CEPT1: variants seen among roughly 807,000 people sequenced by gnomAD.
CEPT1 encodes the protein choline/ethanolaminephosphotransferase 1.
CEPT1 carries 7 observed loss-of-function variants against 42.6 expected under a neutral mutation model. That is an observed-to-expected ratio of 0.16 (90% confidence interval 0.09 to 0.31). The LOEUF (loss-of-function observed/expected upper bound fraction) is 0.31. Ranked by LOEUF, CEPT1 falls within the 10% of genes least tolerant of loss-of-function variation. CEPT1 has a pLI of 1.00. For synonymous variants in CEPT1, 171 were observed against 171.9 expected, an observed-to-expected ratio of 0.99 and a Z score of 0.04; for missense variants, 306 against 502.1, an observed-to-expected ratio of 0.61 and a Z score of 3.73.
intron 2 of CEPT1, among the ~76,000 whole-genome samples, chr1:111,153,248 A>G (rs186684448): frequency 1.3e-5 from 2 of 151,726 alleles, no homozygotes. Context: ...TGCTTGATTT[A>G]TTTCACTTAA....
intron 6 of CEPT1, 112 bp from the exon 7 acceptor site, chr1:111,182,687 G>A (rs1657049180): frequency 1.1e-6 from 1 of 936,770 alleles, no homozygotes; most frequent in South Asian, 1.9e-5. Context: ...TGCCTATCAG[G>A]CACCATGAGG....
At chr1:111,144,033 G>T (rs192053437) in intron 1 of CEPT1, among the ~76,000 whole-genome samples, 1 of 152,274 alleles carries the variant, frequency 6.6e-6, no homozygotes, top group African/African-American at 2.4e-5. Flanking sequence ...TCCCAACATA[G>T]AATAATTTTT....
At chr1:111,169,701 T>A (rs1261038134) in intron 4 of CEPT1, among the ~76,000 whole-genome samples, 2 of 152,198 alleles carry the variant, frequency 1.3e-5, no homozygotes, top group African/African-American at 2.4e-5. Flanking sequence ...ATACTTTTTT[T>A]ATGAAGTTTC....
intron 4 of CEPT1, among the ~76,000 whole-genome samples, chr1:111,168,787 T>C (rs1469945473): frequency 6.6e-6 from 1 of 152,242 alleles, no homozygotes; most frequent in East Asian, 1.9e-4. Context: ...AATCCAGTTA[T>C]TCAGTGGCAG....
chr1:111,174,996 T>C, intron 5 of CEPT1, 33 bp downstream of exon 5: 1 of 1,257,392 alleles, frequency 8.0e-7, no homozygotes, highest in South Asian at 1.2e-5. Context: ...TCCCATGTAA[T>C]GCATGTTGTC....
At chr1:111,154,649 A>G (rs1655463487) in intron 2 of CEPT1, among the ~76,000 whole-genome samples, 1 of 152,070 alleles carries the variant, frequency 6.6e-6, no homozygotes, top group Admixed American at 6.6e-5. Flanking sequence ...TGTTGTGTTG[A>G]GGTATGTTTC....
chr1:111,183,674 C>T (rs751579855), intron 8 of CEPT1, 87 bp downstream of exon 8: 35 of 1,282,142 alleles, frequency 2.7e-5, no homozygotes, highest in Admixed American at 3.8e-5. Context: ...CATGAAAGAT[C>T]GTTCATATAA....
chr1:111,148,301 C>T (rs1655083642), intron 2 of CEPT1, among the ~76,000 whole-genome samples: 1 of 147,434 alleles, frequency 6.8e-6, no homozygotes, highest in Non-Finnish European at 1.5e-5. Context: ...TAAAATGTTC[C>T]TTTTAAAGTC....
At chr1:111,178,922 T>A (rs1301673297) in intron 5 of CEPT1, 4 of 152,220 alleles carry the variant, frequency 2.6e-5, no homozygotes, top group Admixed American at 2.6e-4. Context: ...ATAGGGTGAT[T>A]TTCCTTTGTA....
chr1:111,147,580 A>G, intron 1 of CEPT1, 62 bp from the exon 2 acceptor site: 1 of 572,506 alleles, frequency 1.7e-6, no homozygotes, highest in Non-Finnish European at 2.9e-6. Context: ...TAATATTGGC[A>G]TAAGATGTAA....
chr1:111,180,092 A>G (rs998889579), intron 5 of CEPT1: 1 of 152,140 alleles, frequency 6.6e-6, no homozygotes, highest in African/African-American at 2.4e-5. Context: ...AAGCAATTTC[A>G]CCAAATTTTA....
chr1:111,165,032 T>A (rs1393089695), intron 4 of CEPT1, among the ~76,000 whole-genome samples: 1 of 145,878 alleles, frequency 6.9e-6, no homozygotes, highest in African/African-American at 2.5e-5. Flanking sequence ...TATACTTACA[T>A]AAAACATCGG....
Position 111,153,615 on chromosome 1 carries a change from A to C in CEPT1, c.339+5562A>C, listed in dbSNP as rs1268575711. Among the ~76,000 whole-genome samples, 5 of 152,196 alleles carry C rather than the reference A, an allele frequency of 3.3e-5. No homozygotes were observed. The East Asian group carries it at 7.7e-4, about 23-fold the overall frequency. ...TATACTACTAGGTCTCACATTTGTAAGTCTTTAATCCATTTGAGTTGATTC... is the reference window on the plus strand; with the variant it reads ...TATACTACTAGGTCTCACATTTGTACGTCTTTAATCCATTTGAGTTGATTC... On this transcript the variant is annotated intron_variant, in intron 2 of 8. Transcript: ENST00000357172.
rs115174696 is a variant in CEPT1, at chr1:111,162,571, T to C, written c.629+1275T>C. Among the ~76,000 whole-genome samples the C allele has an allele frequency of 3.7e-3, 561 of 152,216 alleles. 5 individuals carry two copies. The highest frequency in any genetic ancestry group is 0.013 in the African/African-American group (531 of 41,520). ...AGGGATTTTAGACATCCAAATAAAA[T>C]GAGAACAGGAGAAAACTTAGAGAAC... On this transcript the variant is annotated intron_variant, in intron 4 of 8. Transcript: ENST00000357172.
chr1:111,143,061 T>C (rs1654747747), intron 1 of CEPT1, among the ~76,000 whole-genome samples: 1 of 152,232 alleles, frequency 6.6e-6, no homozygotes, highest in Non-Finnish European at 1.5e-5. Flanking sequence ...TAACAAATAA[T>C]TTTGGCTGTG....
rs981015630 is a variant in CEPT1, at chr1:111,147,539, T to G, written c.-73-103T>G. 4 of 508,854 alleles carry G rather than the reference T, an allele frequency of 7.9e-6. No homozygotes were observed. The African/African-American group carries it at 7.9e-5, about 10-fold the overall frequency. 31.5% of individuals were successfully genotyped at this position (508,854 alleles called of 1,614,324 possible). ...TCCTGTTTGATACTTACTACTTTAT[T>G]GACAATTTGATTTTTTGTTTCCTAA... On this transcript the variant is annotated intron_variant, in intron 1 of 8. Transcript: ENST00000357172.
At chr1:111,164,972 C>A (rs2101332890) in intron 4 of CEPT1, among the ~76,000 whole-genome samples, 1 of 149,676 alleles carries the variant, frequency 6.7e-6, no homozygotes, top group African/African-American at 2.4e-5. Context: ...TATATAGAAT[C>A]ATTTCTATAA....
At chr1:111,167,515 T>A in intron 4 of CEPT1, 1 of 881,908 alleles carries the variant, frequency 1.1e-6, no homozygotes, top group Non-Finnish European at 1.4e-6. Flanking sequence ...GAATTTTTTT[T>A]ATATTTCTAT....
intron 2 of CEPT1, among the ~76,000 whole-genome samples, chr1:111,150,540 T>C (rs1287400890): frequency 6.6e-6 from 1 of 152,196 alleles, no homozygotes; most frequent in Non-Finnish European, 1.5e-5. Flanking sequence ...TTCTCCTTCA[T>C]TGTATCTCTG....
Sources: allele counts gnomAD v4.1 joint callset (sites outside exome capture counted in the v4.1 genomes callset), GRCh38; gene constraint gnomAD v4.1.1; transcripts MANE v1.5; gene names NCBI Gene and HGNC (gene_info 2026-07-23, HGNC 2026-07-21).